INAVA: variants seen among roughly 807,000 people sequenced by gnomAD.
INAVA encodes innate immunity activator protein.
In INAVA, 32 loss-of-function variants were observed where a neutral mutation model predicts 55.3. The ratio of observed to expected loss-of-function variants is 0.58; its 90% CI spans 0.44 to 0.78. The LOEUF (loss-of-function observed/expected upper bound fraction) is 0.78, where lower values mean the gene tolerates loss of function less well. INAVA is among the 30% of genes least tolerant of loss of function. The pLI is 0.00. For synonymous variants in INAVA, 294 were observed against 329.4 expected (o/e 0.89, Z 1.16); for missense variants, 756 against 786.4 (o/e 0.96, Z 0.46).
Position 200,911,813 on chromosome 1 carries a change from G to A in INAVA, c.1320G>A (p.Val440=), listed in dbSNP as rs1333872132. The change falls in exon 9 of 10, where the codon GTG becomes GTA. Residue 440 remains valine, a synonymous_variant. Coordinates refer to ENST00000413687, the MANE Select transcript of INAVA (RefSeq NM_001142569.3). ...GYFPAGRYVV[V]AESPLPPGEW... ...TCCCGGCGGGGCGGTACGTGGTGGT[G>A]GCTGAGAGCCCCCTGCCGCCTGGCG... is the stretch of plus-strand genomic sequence containing the variant. The A allele has an allele frequency of 6.2e-7, 1 of 1,606,508 alleles. No homozygotes were observed. Among genetic ancestry groups the A allele is most frequent in the African/African-American group, 1.3e-5 (1 of 74,796 alleles).
At position 200,911,543 on chromosome 1, in the gene INAVA, T is replaced by G; in HGVS notation, c.1050T>G (p.Asp350Glu). 6.2e-7 allele frequency: 1 copy of G among 1,613,688 alleles called. No individual in the cohort carries two copies. The highest frequency in any genetic ancestry group is 1.1e-5 in the South Asian group (1 of 91,040). ...CTCACTACACGGTGACAGTGCCAGATTCCTGCTTTCCCGCGACCAAGCCCC... is the reference window on the plus strand; with the variant it reads ...CTCACTACACGGTGACAGTGCCAGAGTCCTGCTTTCCCGCGACCAAGCCCC... ...RPTHYTVTVP[D>E]SCFPATKPPL... Residue 350 changes from aspartate (D) to glutamate (E), a missense_variant, in exon 9 of 10, where the codon GAT (aspartate) becomes GAG (glutamate). Asp to Glu is a conservative substitution (Grantham distance 45, BLOSUM62 2). Around this residue, in one of 2 missense-constraint regions of INAVA, gnomAD observed 639 missense variants for 624.3 expected, o/e 1.02. Coordinates refer to ENST00000413687, the MANE Select transcript of INAVA (RefSeq NM_001142569.3).
At chr1:200,905,469 T>C (rs1653448211) in intron 5 of INAVA, among the ~76,000 whole-genome samples, 1 of 152,144 alleles carries the variant, frequency 6.6e-6, no homozygotes, top group Non-Finnish European at 1.5e-5. Flanking sequence ...GGAGATTGAT[T>C]GAGCTCAGGA....
Position 200,899,565 on chromosome 1 carries a change from G to A in INAVA, c.148G>A (p.Glu50Lys), listed in dbSNP as rs1398436776. ...ALEARLEACL[E>K]ELRRLCLREA... ...GGAAGCGAGGCTGGAGGCCTGCCTG[G>A]AGGAGCTGAGGAGACTCTGCCTTCG... The change falls in exon 3 of 10, where the codon GAG becomes AAG. Residue 50 changes from glutamate to lysine, a missense_variant. Physicochemically the swap from Glu to Lys is moderately conservative, Grantham distance 56 (BLOSUM62 1). Coordinates refer to ENST00000413687, the MANE Select transcript of INAVA (RefSeq NM_001142569.3). 3.1e-6 allele frequency: 5 copies of A among 1,613,070 alleles called. No individual in the cohort carries two copies. Among genetic ancestry groups the A allele is most frequent in the Non-Finnish European group, 4.2e-6 (5 of 1,179,788 alleles).
At position 200,912,074 on chromosome 1, in the gene INAVA, C is replaced by G; in HGVS notation, c.1581C>G (p.Phe527Leu). 6.5e-7 allele frequency: 1 copy of G among 1,548,688 alleles called. No individual in the cohort carries two copies. Among genetic ancestry groups the G allele is most frequent in the Non-Finnish European group, 8.7e-7 (1 of 1,146,668 alleles). Residue 527 changes from phenylalanine (F) to leucine (L), a missense_variant, in exon 9 of 10, where the codon TTC (phenylalanine) becomes TTG (leucine). Physicochemically the swap from Phe to Leu is conservative, Grantham distance 22. Coordinates refer to ENST00000413687, the MANE Select transcript of INAVA (RefSeq NM_001142569.3). ...RPHSLDRQGAFRVRSLPLGRE... is the reference protein window; with the variant it reads ...RPHSLDRQGALRVRSLPLGRE... Reference sequence around the variant, plus strand: ...ACTCACTGGACCGCCAAGGAGCTTTCCGGGTCAGGAGCCTGCCCCTTGGGA... The same window carrying G: ...ACTCACTGGACCGCCAAGGAGCTTTGCGGGTCAGGAGCCTGCCCCTTGGGA...
At chr1:200,909,187 C>T in intron 7 of INAVA, 37 bp from the exon 8 acceptor site, 1 of 1,477,210 alleles carries the variant, frequency 6.8e-7, no homozygotes, top group Non-Finnish European at 9.0e-7. Flanking sequence ...TGAATGGAGG[C>T]ATTCCTGCCA....
chr1:200,908,639 A>T (rs1653587748), intron 6 of INAVA, 91 bp from the exon 7 acceptor site: 1 of 1,076,588 alleles, frequency 9.3e-7, no homozygotes, highest in South Asian at 1.7e-5. Flanking sequence ...TGGGAGGGAG[A>T]GCGGCGAGGC....
Position 200,914,113 on chromosome 1 carries a change from A to T in INAVA, c.*484A>T, listed in dbSNP as rs1276905933. The T allele has an allele frequency of 6.4e-6, 1 of 157,456 alleles. No homozygotes were observed. Among genetic ancestry groups the T allele is most frequent in the African/African-American group, 2.4e-5 (1 of 41,506 alleles). The allele number at this position is 157,456 out of a possible 1,614,324, so 9.8% of individuals were successfully genotyped here. A position where few individuals can be genotyped will look rare whatever the true frequency, so the allele number is the denominator to read the frequency against. On this transcript the variant is annotated 3_prime_UTR_variant, in exon 10 of 10. Coordinates refer to ENST00000413687, the MANE Select transcript of INAVA (RefSeq NM_001142569.3). Reference sequence around the variant, plus strand: ...CATTTCCCAGGTCTCTGGGTACCCCAGCCTGGGCTGGGGGAGAATCTCTTC... The same window carrying T: ...CATTTCCCAGGTCTCTGGGTACCCCTGCCTGGGCTGGGGGAGAATCTCTTC...
intron 1 of INAVA, among the ~76,000 whole-genome samples, chr1:200,897,163 C>T (rs1350131306): frequency 1.3e-5 from 2 of 152,224 alleles, no homozygotes; most frequent in African/African-American, 2.4e-5. Context: ...ACCTGTACCA[C>T]CCAAGTGTTC....
In INAVA at chr1:200,909,504, A is replaced by G. The variant is rs887845700; in HGVS notation, c.959+107A>G. On this transcript the variant is annotated intron_variant, in intron 8 of 9. Coordinates refer to ENST00000413687, the MANE Select transcript of INAVA (RefSeq NM_001142569.3). Reference sequence around the variant, plus strand: ...GGACAACCCTGGGTGACACATGGCTAGTGCCTTGACTTCTCTTAGGATCTC... The same window carrying G: ...GGACAACCCTGGGTGACACATGGCTGGTGCCTTGACTTCTCTTAGGATCTC... 4 of 1,049,282 alleles carry G rather than the reference A, an allele frequency of 3.8e-6. No individual in the cohort carries two copies. The African/African-American group carries it at 6.5e-5, about 17-fold the overall frequency. The allele number at this position is 1,049,282 out of a possible 1,614,324, so 65.0% of individuals were successfully genotyped here.
At chr1:200,893,112 A>G (rs1161851933), upstream of INAVA, among the ~76,000 whole-genome samples, 14 of 152,208 alleles carry the variant, frequency 9.2e-5, no homozygotes, top group Admixed American at 9.2e-4. Flanking sequence ...TTATGAAGAC[A>G]ACAAATCACA....
chr1:200,896,816 C>G (rs544453967), intron 1 of INAVA, among the ~76,000 whole-genome samples: 20 of 152,252 alleles, frequency 1.3e-4, no homozygotes, highest in African/African-American at 3.6e-4. Flanking sequence ...ACTTTTCTGT[C>G]GTGTTGGCTG....
intron 5 of INAVA, among the ~76,000 whole-genome samples, chr1:200,903,660 C>T (rs1277866134): frequency 6.6e-6 from 1 of 151,676 alleles, no homozygotes; most frequent in Non-Finnish European, 1.5e-5. Flanking sequence ...CAAAATTAGC[C>T]AGGCATGGTG....
chr1:200,899,942 T>C (rs1211300198), intron 3 of INAVA, among the ~76,000 whole-genome samples, 162 bp from the exon 4 acceptor site: 1 of 151,640 alleles, frequency 6.6e-6, no homozygotes, highest in Non-Finnish European at 1.5e-5. Flanking sequence ...GAGTGCAGAG[T>C]GGGTCTGAAG....
At position 200,913,765 on chromosome 1, in the gene INAVA, T is replaced by C; in HGVS notation, c.*136T>C. The C allele has an allele frequency of 1.6e-6, 1 of 640,932 alleles. No homozygotes were observed. Among genetic ancestry groups the C allele is most frequent in the Non-Finnish European group, 2.7e-6 (1 of 368,792 alleles). 39.7% of individuals were successfully genotyped at this position (640,932 alleles called of 1,614,324 possible). ...GGAGCTGAGACCTTTTATTATTTTT[T>C]TTTTACACGACTTTTTTCAGAAGCC... On this transcript the variant is annotated 3_prime_UTR_variant, in exon 10 of 10. Transcript: ENST00000413687.
rs917945569 is a variant in INAVA at position 200,901,105 on chromosome 1, G to C, written c.466G>C (p.Glu156Gln). Residue 156 changes from glutamate to glutamine, a missense_variant, in exon 5 of 10, where the codon GAG (glutamate) becomes CAG (glutamine). Physicochemically the swap from Glu to Gln is conservative, Grantham distance 29. Transcript: ENST00000413687. Reference sequence around the variant, plus strand: ...GCAGGAGCTCCAGCGCTGCCTGGTCGAGCGGCGGCGCAATAGCGAGCCACC... The same window carrying C: ...GCAGGAGCTCCAGCGCTGCCTGGTCCAGCGGCGGCGCAATAGCGAGCCACC... Reference protein sequence around the residue: ...KLQELQRCLVERRRNSEPPPA... With the variant: ...KLQELQRCLVQRRRNSEPPPA... The C allele has an allele frequency of 1.3e-6, 2 of 1,534,708 alleles. No individual in the cohort carries two copies. The highest frequency in any genetic ancestry group is 1.4e-5 in the African/African-American group (1 of 72,928).
In INAVA at chr1:200,899,589, C is replaced by T. The variant is rs552128674; in HGVS notation, c.172C>T (p.Arg58Trp). ...GGAGGAGCTGAGGAGACTCTGCCTTCGGGAAGCGGTGAGGCCCCAGCCAGC... is the reference window on the plus strand; with the variant it reads ...GGAGGAGCTGAGGAGACTCTGCCTTTGGGAAGCGGTGAGGCCCCAGCCAGC... ...CLEELRRLCL[R>W]EAELTGTLPA... Residue 58 changes from arginine (R) to tryptophan (W), a missense_variant, in exon 3 of 10, where the codon CGG becomes TGG. This residue lies in a region of INAVA where 639 missense variants were observed against 624.3 expected (regional missense o/e 1.02). Transcript: ENST00000413687. 2.7e-5 allele frequency: 44 copies of T among 1,612,128 alleles called. No individual in the cohort carries two copies. In the East Asian group the frequency reaches 3.1e-4, roughly 11 times the overall value.
chr1:200,898,935 C>T (rs544114377), intron 2 of INAVA, among the ~76,000 whole-genome samples: 8 of 152,236 alleles, frequency 5.3e-5, no homozygotes, highest in South Asian at 2.1e-4. Context: ...GCCGAGATCG[C>T]GGCATTGCAC....
chr1:200,911,798 G>A lies in INAVA; in HGVS notation c.1305G>A (p.Gly435=). The A allele has an allele frequency of 6.2e-7, 1 of 1,608,794 alleles. No homozygotes were observed. The highest frequency in any genetic ancestry group is 8.5e-7 in the Non-Finnish European group (1 of 1,178,066). ...LLLPPGYFPA[G]RYVVVAESPL... is the part of the protein sequence containing the mutation. ...TGCCGCCTGGCTATTTCCCGGCGGG[G>A]CGGTACGTGGTGGTGGCTGAGAGCC... The change falls in exon 9 of 10, where the codon GGG becomes GGA. Residue 435 remains glycine (G), a synonymous_variant. Transcript: ENST00000413687.
upstream of INAVA, chr1:200,891,785 G>C: frequency 2.9e-6 from 3 of 1,032,816 alleles, no homozygotes; most frequent in Non-Finnish European, 4.0e-6. Context: ...TTCAGCCTTA[G>C]CGGAGGGTGC....
Sources: gnomAD v4.1 joint callset for allele counts (sites outside exome capture counted in the v4.1 genomes callset) on GRCh38, gnomAD v4.1.1 for gene constraint, gnomAD v4.1.1 regional missense constraint, MANE v1.5 for transcripts, NCBI Gene and HGNC (gene_info 2026-07-23, HGNC 2026-07-21) for gene names.